Variants in PLOD2 observed in about 807,000 individuals in gnomAD.
The protein encoded by PLOD2 is lysine hydroxylase 2.
PLOD2 carries 65 observed loss-of-function variants against 101.0 expected under a neutral mutation model. The ratio of observed to expected loss-of-function variants is 0.64; its 90% CI spans 0.53 to 0.79. PLOD2 has a LOEUF of 0.79. PLOD2 is among the 30% of genes least tolerant of loss of function. The pLI, the probability that PLOD2 is intolerant of heterozygous loss-of-function variation, is 0.00. For synonymous variants in PLOD2, 314 were observed against 302.9 expected (o/e 1.04, Z -0.38); for missense variants, 909 against 914.6 (o/e 0.99, Z 0.08).
intron 1 of PLOD2, among the ~76,000 whole-genome samples, chr3:146,145,234 A>G (rs1459145121): frequency 1.3e-5 from 2 of 152,166 alleles, no homozygotes; most frequent in African/African-American, 2.4e-5. Context: ...TTTTAGCTGT[A>G]TCATTTTAAA....
In PLOD2 at chr3:146,077,902, G is replaced by A. The variant is rs762383552; in HGVS notation, c.1523C>T (p.Ser508Phe). ...REMTLQREKD[S>F]PTPETFQMLS... Reference sequence around the variant, plus strand: ...CATTTGGAATGTTTCCGGAGTAGGGGAGTCTTTTTCCCTTTGTAAAGTCTA... The same window carrying A: ...CATTTGGAATGTTTCCGGAGTAGGGAAGTCTTTTTCCCTTTGTAAAGTCTA... Residue 508 changes from serine to phenylalanine, a missense_variant, in exon 14 of 20, where the codon TCC (serine) becomes TTC (phenylalanine). Ser to Phe is a radical substitution (Grantham distance 155, BLOSUM62 -2). Transcript: ENST00000282903. The A allele has an allele frequency of 6.9e-6, 11 of 1,600,984 alleles. No homozygotes were observed. Among genetic ancestry groups the A allele is most frequent in the Middle Eastern group, 1.7e-4 (1 of 6,036 alleles).
intron 3 of PLOD2, among the ~76,000 whole-genome samples, chr3:146,114,702 A>T (rs1469737623): frequency 6.6e-6 from 1 of 152,214 alleles, no homozygotes; most frequent in African/African-American, 2.4e-5. Flanking sequence ...GGAAAAGGAA[A>T]GTAGAGGTAG....
intron 1 of PLOD2, among the ~76,000 whole-genome samples, chr3:146,159,776 TGCTGAAGTTTCTCAAGCTAACA>T (rs1485135325): frequency 2.0e-5 from 3 of 152,204 alleles, no homozygotes; most frequent in African/African-American, 7.2e-5. Flanking sequence ...TCCATCTGAA[TGCTGAAGTTTCTCAAGCTAACA>T]AAGCAAGCAC....
At chr3:146,150,636 T>C (rs2032011367) in intron 1 of PLOD2, among the ~76,000 whole-genome samples, 1 of 152,160 alleles carries the variant, frequency 6.6e-6, no homozygotes, top group South Asian at 2.1e-4. Flanking sequence ...CTGGGCTTAA[T>C]ACCTGGGTGA....
chr3:146,132,426 A>C (rs907501534), intron 1 of PLOD2, among the ~76,000 whole-genome samples: 6 of 152,200 alleles, frequency 3.9e-5, no homozygotes, highest in Admixed American at 1.3e-4. Flanking sequence ...CTAACTAGAT[A>C]CCAAATGTAG....
At chr3:146,127,280 T>C (rs1324641243) in intron 1 of PLOD2, among the ~76,000 whole-genome samples, 3 of 152,178 alleles carry the variant, frequency 2.0e-5, no homozygotes, top group Non-Finnish European at 4.4e-5. Context: ...ACCCACATAG[T>C]GAACACTGTA....
At chr3:146,151,050 G>A (rs2032032889) in intron 1 of PLOD2, among the ~76,000 whole-genome samples, 4 of 152,208 alleles carry the variant, frequency 2.6e-5, no homozygotes, top group Admixed American at 1.3e-4. Context: ...TCCAGATCTT[G>A]ATACAACAAC....
intron 1 of PLOD2, among the ~76,000 whole-genome samples, chr3:146,147,172 C>T (rs2031820779): frequency 6.6e-6 from 1 of 152,120 alleles, no homozygotes; most frequent in Non-Finnish European, 1.5e-5. Context: ...GCAGAGAATA[C>T]TGTAGGAGTT....
At chr3:146,147,328 T>A (rs2031826349) in intron 1 of PLOD2, among the ~76,000 whole-genome samples, 1 of 152,122 alleles carries the variant, frequency 6.6e-6, no homozygotes, top group Non-Finnish European at 1.5e-5. Context: ...CCAAAAGATG[T>A]GTAAAAGCAT....
chr3:146,143,994 C>A (rs2031651703), intron 1 of PLOD2, among the ~76,000 whole-genome samples: 1 of 152,000 alleles, frequency 6.6e-6, no homozygotes, highest in Admixed American at 6.6e-5. Flanking sequence ...TCAAACACAT[C>A]CTCAGCTAAG....
intron 1 of PLOD2, among the ~76,000 whole-genome samples, chr3:146,147,913 C>A (rs542231251): frequency 6.6e-6 from 1 of 152,128 alleles, no homozygotes; most frequent in African/African-American, 2.4e-5. Context: ...TGTTGCCATA[C>A]GGGAAGGAAA....
chr3:146,094,737 A>C (rs533733358), intron 7 of PLOD2, among the ~76,000 whole-genome samples: 1 of 152,330 alleles, frequency 6.6e-6, no homozygotes, highest in Admixed American at 6.5e-5. Context: ...TTTCATATGG[A>C]ACCAAAAAAG....
At position 146,077,220 on chromosome 3, in the gene PLOD2, A is replaced by G. The variant is rs193235626; in HGVS notation, c.1564-325T>C. The G allele has an allele frequency of 8.0e-6, 8 of 1,005,106 alleles. No homozygotes were observed. In the East Asian group the frequency reaches 5.8e-4, roughly 73 times the overall value. 62.3% of individuals were successfully genotyped at this position (1,005,106 alleles called of 1,614,324 possible). On this transcript the variant is annotated intron_variant, in intron 14 of 19. Coordinates refer to ENST00000282903, the MANE Select transcript of PLOD2 (RefSeq NM_182943.3). ...GTTTGAAAGCAGAAATATTTTTGAGACACAGTGCAATGAATTATACCTCTT... is the reference window on the plus strand; with the variant it reads ...GTTTGAAAGCAGAAATATTTTTGAGGCACAGTGCAATGAATTATACCTCTT...
At chr3:146,087,388 C>T (rs945493653) in intron 9 of PLOD2, among the ~76,000 whole-genome samples, 3 of 151,470 alleles carry the variant, frequency 2.0e-5, no homozygotes, top group African/African-American at 7.3e-5. Context: ...CCCTTTGAAA[C>T]CAGAGAGTAA....
intron 7 of PLOD2, among the ~76,000 whole-genome samples, chr3:146,094,865 A>T (rs1937096415): frequency 6.6e-6 from 1 of 152,190 alleles, no homozygotes; most frequent in African/African-American, 2.4e-5. Flanking sequence ...ACTGGTAACA[A>T]AACAGATATA....
chr3:146,081,475 G>T (rs536782916), intron 12 of PLOD2, among the ~76,000 whole-genome samples: 2 of 152,254 alleles, frequency 1.3e-5, no homozygotes, highest in South Asian at 4.1e-4. Flanking sequence ...CAACCATAAT[G>T]TGAGTATGGT....
chr3:146,101,556 A>G (rs567764561), intron 7 of PLOD2, among the ~76,000 whole-genome samples: 39 of 152,340 alleles, frequency 2.6e-4, no homozygotes, highest in Admixed American at 5.9e-4. Context: ...TCCACTACTC[A>G]ACAAAGATTT....
chr3:146,156,262 G>A (rs534638624), intron 1 of PLOD2, among the ~76,000 whole-genome samples: 1 of 152,254 alleles, frequency 6.6e-6, no homozygotes, highest in Non-Finnish European at 1.5e-5. Flanking sequence ...GCAGCAGATC[G>A]GCATGAGCCA....
intron 8 of PLOD2, among the ~76,000 whole-genome samples, chr3:146,090,068 G>A (rs1306748134): frequency 1.3e-5 from 2 of 151,044 alleles, no homozygotes; most frequent in African/African-American, 4.8e-5. Context: ...TGACCACTTT[G>A]TGTATGTATA....
Sources: gnomAD v4.1 joint callset for allele counts (sites outside exome capture counted in the v4.1 genomes callset) on GRCh38, gnomAD v4.1.1 for gene constraint, MANE v1.5 for transcripts, NCBI Gene and HGNC (gene_info 2026-07-23, HGNC 2026-07-21) for gene names.